RBPJ: variants seen among roughly 807,000 people sequenced by gnomAD.
RBPJ encodes the protein recombination signal binding protein for immunoglobulin kappa J region.
A neutral mutation model predicts 67.8 loss-of-function variants in RBPJ; 9 were observed. That is an observed-to-expected ratio of 0.13 (90% confidence interval 0.08 to 0.23). The LOEUF (loss-of-function observed/expected upper bound fraction) is 0.23. RBPJ is among the 10% of genes least tolerant of loss of function. RBPJ has a pLI of 1.00. For synonymous variants in RBPJ, 198 were observed against 203.3 expected, an observed-to-expected ratio of 0.97 and a Z score of 0.22; for missense variants, 305 against 595.6, an observed-to-expected ratio of 0.51 and a Z score of 5.08.
At chr4:26,156,605 A>G in the RBPJ span, among the ~76,000 whole-genome samples, 2 of 95,450 alleles carry the variant, frequency 2.1e-5, no homozygotes, top group Non-Finnish European at 5.4e-5. Flanking sequence ...TTTTTAGTAG[A>G]GCCCATGTCC....
At chr4:26,397,561 A>G (rs772977930) in intron 2 of RBPJ, among the ~76,000 whole-genome samples, 1 of 152,186 alleles carries the variant, frequency 6.6e-6, no homozygotes, top group Non-Finnish European at 1.5e-5. Flanking sequence ...GTCAAGTAGT[A>G]TATATTTTAG....
At chr4:26,180,697 T>TTG (rs530814883) in intron 1 of RBPJ, among the ~76,000 whole-genome samples, 65 of 152,238 alleles carry the variant, frequency 4.3e-4, no homozygotes, top group South Asian at 1.5e-3. Context: ...TGCATGAATC[T>TTG]GGGGGGGACA....
intron 7 of RBPJ, among the ~76,000 whole-genome samples, chr4:26,426,417 G>A (rs1438156312): frequency 6.6e-6 from 1 of 152,180 alleles, no homozygotes; most frequent in Non-Finnish European, 1.5e-5. Flanking sequence ...ACTCAAAACT[G>A]TATGGCTTTA....
rs373031199 is a variant in RBPJ at position 26,221,951 on chromosome 4, G to C, written c.-167+58337G>C. The stretch of plus-strand genomic sequence containing the variant: ...GACTGGCAGGGCGGTGAGAGGGATG[G>C]GGGGAGGGCAGGAGTGAGGAGACGA... On this transcript the variant is annotated intron_variant, in intron 1 of 4. Transcript: ENST00000512351. Among the ~76,000 whole-genome samples the C allele has an allele frequency of 2.8e-4, 43 of 152,266 alleles. No homozygotes were observed. In the East Asian group the frequency reaches 7.7e-3, roughly 27 times the overall value.
intron 1 of RBPJ, among the ~76,000 whole-genome samples, chr4:26,187,791 G>A (rs1033894990): frequency 6.6e-6 from 1 of 152,126 alleles, no homozygotes; most frequent in Admixed American, 6.5e-5. Context: ...GGAGGCCGAG[G>A]TGGGTGGATC....
the RBPJ span, among the ~76,000 whole-genome samples, chr4:26,119,583 T>A: frequency 6.6e-6 from 1 of 152,206 alleles, no homozygotes; most frequent in Non-Finnish European, 1.5e-5. Context: ...ACTAGCCCCC[T>A]CCTTCCTTTC....
intron 1 of RBPJ, among the ~76,000 whole-genome samples, chr4:26,363,417 C>A (rs899639734): frequency 6.6e-6 from 1 of 151,790 alleles, no homozygotes; most frequent in Non-Finnish European, 1.5e-5. Flanking sequence ...GGACTACAGG[C>A]GTGAGCCACT....
intron 1 of RBPJ, among the ~76,000 whole-genome samples, chr4:26,295,267 T>TGTGTGTGTGTGG (rs1426997854): frequency 1.3e-5 from 2 of 151,784 alleles, no homozygotes; most frequent in African/African-American, 4.8e-5. Context: ...TGTGTGTGTG[T>TGTGTGTGTGTGG]GTGGGTGTGT....
intron 3 of RBPJ, among the ~76,000 whole-genome samples, chr4:26,415,146 A>AT (rs1734436962): frequency 6.6e-6 from 1 of 152,174 alleles, no homozygotes; most frequent in Admixed American, 6.5e-5. Context: ...GTTTTGTAAT[A>AT]TGTTAGAGTA....
upstream of RBPJ, chr4:26,319,579 T>G: frequency 2.0e-6 from 1 of 507,662 alleles, no homozygotes; most frequent in Non-Finnish European, 3.5e-6. Context: ...TCCGCGAGAT[T>G]TGGGGCGAAA....
intron 1 of RBPJ, among the ~76,000 whole-genome samples, chr4:26,293,597 T>C (rs1721749144): frequency 6.6e-6 from 1 of 150,444 alleles, no homozygotes; most frequent in South Asian, 2.1e-4. Flanking sequence ...GATTGTGCCA[T>C]AGTACTCCAG....
At chr4:26,237,290 T>G (rs1719483734) in intron 1 of RBPJ, among the ~76,000 whole-genome samples, 1 of 152,112 alleles carries the variant, frequency 6.6e-6, no homozygotes, top group Admixed American at 6.6e-5. Context: ...TAGTGCAATG[T>G]TTTTCAAATT....
intron 1 of RBPJ, among the ~76,000 whole-genome samples, chr4:26,196,668 T>C (rs1717775701): frequency 6.6e-6 from 1 of 152,210 alleles, no homozygotes; most frequent in Non-Finnish European, 1.5e-5. Flanking sequence ...TGATTTAGTA[T>C]GAAATATTTC....
At chr4:26,203,018 G>A (rs547523227) in intron 1 of RBPJ, among the ~76,000 whole-genome samples, 141 of 150,298 alleles carry the variant, frequency 9.4e-4, no homozygotes, top group African/African-American at 3.2e-3. Flanking sequence ...AAAAAGAAAA[G>A]AAAAGAGAAG....
At chr4:26,133,703 T>C in the RBPJ span, among the ~76,000 whole-genome samples, 1 of 152,136 alleles carries the variant, frequency 6.6e-6, no homozygotes, top group Admixed American at 6.5e-5. Flanking sequence ...TAGTGCCTGA[T>C]GATCTGAGGT....
chr4:26,372,297 G>A (rs1238251219), intron 1 of RBPJ, among the ~76,000 whole-genome samples: 1 of 152,194 alleles, frequency 6.6e-6, no homozygotes, highest in Non-Finnish European at 1.5e-5. Context: ...TACTAGTGCT[G>A]TAGACAGTAG....
chr4:26,210,686 C>CTTTCTTT (rs56289492), intron 1 of RBPJ, among the ~76,000 whole-genome samples: 3,399 of 64,944 alleles, frequency 0.052, 253 homozygotes, highest in Admixed American at 0.06. Context: ...TTCTTTCTTT[C>CTTTCTTT]CTTTCTTTCT....
chr4:26,181,591 G>A (rs1442141915), intron 1 of RBPJ, among the ~76,000 whole-genome samples: 1 of 152,118 alleles, frequency 6.6e-6, no homozygotes, highest in Non-Finnish European at 1.5e-5. Context: ...GAACATCGCA[G>A]AGTGTACTTA....
intron 1 of RBPJ, among the ~76,000 whole-genome samples, chr4:26,306,119 C>T (rs890397788): frequency 6.6e-6 from 1 of 152,056 alleles, no homozygotes; most frequent in Non-Finnish European, 1.5e-5. Context: ...AAGATCATGT[C>T]AATATACAAG....
Sources: allele counts gnomAD v4.1 joint callset (sites outside exome capture counted in the v4.1 genomes callset), GRCh38; gene constraint gnomAD v4.1.1; transcripts MANE v1.5; gene names NCBI Gene and HGNC (gene_info 2026-07-23, HGNC 2026-07-21).